Variants in QTMAN observed in about 807,000 individuals in gnomAD.
The protein encoded by QTMAN is queuosine-tRNA mannosyltransferase.
chr2:144,096,628 T>G, the QTMAN span, among the ~76,000 whole-genome samples: 1 of 152,250 alleles, frequency 6.6e-6, no homozygotes, highest in African/African-American at 2.4e-5. Flanking sequence ...GTTTTCATTA[T>G]TTTGTGTAAA....
chr2:144,179,724 A>G, the QTMAN span, among the ~76,000 whole-genome samples: 1 of 152,182 alleles, frequency 6.6e-6, no homozygotes, highest in Non-Finnish European at 1.5e-5. Context: ...AAGTATAGTT[A>G]GGTCACAGCT....
the QTMAN span, among the ~76,000 whole-genome samples, chr2:144,061,247 C>T: frequency 6.6e-6 from 1 of 152,100 alleles, no homozygotes; most frequent in Admixed American, 6.5e-5. Context: ...CAGGAACTCT[C>T]CTCTCCTCTT....
At chr2:144,087,075 A>G in the QTMAN span, among the ~76,000 whole-genome samples, 7 of 152,324 alleles carry the variant, frequency 4.6e-5, no homozygotes, top group African/African-American at 1.7e-4. Context: ...AATAAAATTG[A>G]TAAAATTTTA....
At chr2:144,258,686 A>T in the QTMAN span, among the ~76,000 whole-genome samples, 2 of 152,232 alleles carry the variant, frequency 1.3e-5, no homozygotes, top group Admixed American at 1.3e-4. Context: ...ATAAGGACAG[A>T]CATATAAGTA....
the QTMAN span, among the ~76,000 whole-genome samples, chr2:144,107,218 C>T: frequency 2.6e-5 from 4 of 152,064 alleles, no homozygotes; most frequent in Non-Finnish European, 4.4e-5. Flanking sequence ...AGAGCAAACA[C>T]GTTCAAAAGC....
the QTMAN span, among the ~76,000 whole-genome samples, chr2:144,196,857 A>T: frequency 6.6e-6 from 1 of 152,174 alleles, no homozygotes; most frequent in Non-Finnish European, 1.5e-5. Flanking sequence ...CTACAGATGC[A>T]CTTAATACTT....
At chr2:144,068,044 G>A in the QTMAN span, among the ~76,000 whole-genome samples, 2 of 152,138 alleles carry the variant, frequency 1.3e-5, no homozygotes, top group Admixed American at 6.5e-5. Flanking sequence ...TTTAAACTGG[G>A]AATATGATGG....
At chr2:144,058,126 C>A in the QTMAN span, among the ~76,000 whole-genome samples, 1 of 127,736 alleles carries the variant, frequency 7.8e-6, no homozygotes, top group South Asian at 2.6e-4. Context: ...CCTCCCCCAC[C>A]CCGCTAAACA....
chr2:144,287,295 C>G, the QTMAN span, among the ~76,000 whole-genome samples: 1 of 151,980 alleles, frequency 6.6e-6, no homozygotes, highest in Non-Finnish European at 1.5e-5. Flanking sequence ...ATTAGCTGGG[C>G]GTGGTGGCGT....
the QTMAN span, among the ~76,000 whole-genome samples, chr2:144,105,916 CTCTACAA>C: frequency 6.6e-6 from 1 of 152,204 alleles, no homozygotes; most frequent in Admixed American, 6.5e-5. Flanking sequence ...TTGGCAGAAA[CTCTACAA>C]TCCAGAAGAG....
chr2:144,080,705 G>C, the QTMAN span, among the ~76,000 whole-genome samples: 1 of 152,064 alleles, frequency 6.6e-6, no homozygotes, highest in Admixed American at 6.5e-5. Context: ...ACTACTTTTT[G>C]CAAGTCACCA....
chr2:144,250,896 T>C, the QTMAN span, among the ~76,000 whole-genome samples: 29 of 151,894 alleles, frequency 1.9e-4, no homozygotes, highest in African/African-American at 7.0e-4. Flanking sequence ...TCTTTCTTAG[T>C]AAAAAAAAGC....
chr2:144,019,752 G>T, the QTMAN span, among the ~76,000 whole-genome samples: 1 of 152,122 alleles, frequency 6.6e-6, no homozygotes, highest in Admixed American at 6.5e-5. Flanking sequence ...AAGGGTGAGT[G>T]AAGTGAAAGT....
chr2:144,127,444 G>A, the QTMAN span, among the ~76,000 whole-genome samples: 1 of 151,990 alleles, frequency 6.6e-6, no homozygotes, highest in African/African-American at 2.4e-5. Context: ...TTATTGAATT[G>A]AATTAAGTTA....
At chr2:144,046,018 A>G in the QTMAN span, among the ~76,000 whole-genome samples, 2 of 152,228 alleles carry the variant, frequency 1.3e-5, no homozygotes, top group Non-Finnish European at 2.9e-5. Flanking sequence ...ACAACTTCAT[A>G]CAAGCTAAAG....
At chr2:143,976,848 G>A in the QTMAN span, among the ~76,000 whole-genome samples, 1 of 152,168 alleles carries the variant, frequency 6.6e-6, no homozygotes, top group Non-Finnish European at 1.5e-5. Flanking sequence ...TTCTGCAAAT[G>A]CTCACACTGC....
At chr2:144,021,952 A>T in the QTMAN span, among the ~76,000 whole-genome samples, 195 of 151,718 alleles carry the variant, frequency 1.3e-3, 1 homozygote, top group African/African-American at 4.3e-3. Context: ...TCTCACATTT[A>T]AAAAAAAATC....
At chr2:144,225,262 C>A in the QTMAN span, among the ~76,000 whole-genome samples, 1 of 152,132 alleles carries the variant, frequency 6.6e-6, no homozygotes, top group Non-Finnish European at 1.5e-5. Flanking sequence ...CCACCCCAGG[C>A]CTCTGGTATC....
the QTMAN span, among the ~76,000 whole-genome samples, chr2:144,141,446 G>C: frequency 4.0e-5 from 6 of 151,104 alleles, no homozygotes; most frequent in Non-Finnish European, 8.9e-5. Context: ...AAAAATAAAA[G>C]AAAATAGCAT....
Sources: allele counts gnomAD v4.1 joint callset (sites outside exome capture counted in the v4.1 genomes callset), GRCh38; gene constraint gnomAD v4.1.1; transcripts MANE v1.5; gene names NCBI Gene and HGNC (gene_info 2026-07-23, HGNC 2026-07-21).